The following RPTOR variants were observed in gnomAD, a reference collection of about 807,000 sequenced individuals.
The protein encoded by RPTOR is regulatory associated protein of MTOR complex 1, also known as regulatory-associated protein of mTOR.
Under a neutral mutation model 169.9 loss-of-function variants are expected in RPTOR, and 21 were observed. That is an observed-to-expected ratio of 0.12 (90% confidence interval 0.09 to 0.18). The LOEUF is 0.18. Ranked by LOEUF, RPTOR falls within the 10% of genes least tolerant of loss-of-function variation. The pLI is 1.00. For missense variants in RPTOR, 1,133 were observed against 1,855.9 expected, an observed-to-expected ratio of 0.61 and a Z score of 7.16; for synonymous variants, 732 against 753.2, an observed-to-expected ratio of 0.97 and a Z score of 0.46.
intron 10 of RPTOR, among the ~76,000 whole-genome samples, chr17:80,841,172 CCG>C (rs1567942935): frequency 5.4e-5 from 7 of 129,060 alleles, no homozygotes; most frequent in East Asian, 2.4e-4. Context: ...CTCACTCTCA[CCG>C]CACGGCAGCT....
intron 13 of RPTOR, among the ~76,000 whole-genome samples, chr17:80,867,292 G>A (rs1301203836): frequency 6.6e-6 from 1 of 151,308 alleles, no homozygotes; most frequent in African/African-American, 2.4e-5. Flanking sequence ...AAAAAAAGAT[G>A]AAAACCATAT....
chr17:80,898,646 C>T (rs1197351317), intron 20 of RPTOR, among the ~76,000 whole-genome samples: 2 of 125,726 alleles, frequency 1.6e-5, no homozygotes, highest in African/African-American at 6.1e-5. Context: ...CTCCCCCAAC[C>T]CCTGCCCCCG....
At position 80,544,980 on chromosome 17, in the gene RPTOR, C is replaced by T. The variant is rs11547301; in HGVS notation, c.-650C>T. The T allele has an allele frequency of 0.25, 57,766 of 231,958 alleles. 8,404 individuals carry two copies. Among genetic ancestry groups the T allele is most frequent in the South Asian group, 0.41 (2,268 of 5,518 alleles). The allele number at this position is 231,958 out of a possible 1,614,324, so 14.4% of individuals were successfully genotyped here. ...GTTCCGTGTCGCCCGTTTCTCAGGACTCGTTCTCAGGCAGGAGAGAGCCTC... is the reference window on the plus strand; with the variant it reads ...GTTCCGTGTCGCCCGTTTCTCAGGATTCGTTCTCAGGCAGGAGAGAGCCTC... On this transcript the variant is annotated 5_prime_UTR_variant, in exon 1 of 34. Transcript: ENST00000306801.
At chr17:80,791,409 T>A (rs745893117) in intron 6 of RPTOR, 41 bp from the exon 7 acceptor site, 1 of 1,596,066 alleles carries the variant, frequency 6.3e-7, no homozygotes, top group African/African-American at 1.3e-5. Flanking sequence ...CCTGGGTGAC[T>A]GTTCCATTCA....
chr17:80,836,544 G>GGTC (rs1298813645), intron 9 of RPTOR, among the ~76,000 whole-genome samples: 3 of 152,184 alleles, frequency 2.0e-5, no homozygotes, highest in Non-Finnish European at 4.4e-5. Context: ...ACAAAGCAGG[G>GGTC]GTCGGTCAGA....
chr17:80,896,563 C>G (rs2068407836), intron 20 of RPTOR, among the ~76,000 whole-genome samples: 1 of 16,066 alleles, frequency 6.2e-5, no homozygotes, highest in Non-Finnish European at 2.0e-4. Flanking sequence ...ACACCCCACA[C>G]AGCCGCGCCG....
chr17:80,666,023 C>G (rs1755121528), intron 3 of RPTOR, among the ~76,000 whole-genome samples: 1 of 152,170 alleles, frequency 6.6e-6, no homozygotes, highest in Admixed American at 6.5e-5. Context: ...CATGCCTTGA[C>G]TGGGACTTGT....
chr17:80,585,727 T>A (rs2065055394), intron 1 of RPTOR, among the ~76,000 whole-genome samples: 1 of 152,228 alleles, frequency 6.6e-6, no homozygotes, highest in Non-Finnish European at 1.5e-5. Flanking sequence ...GCCACTTATA[T>A]ATAGATTAGA....
intron 7 of RPTOR, among the ~76,000 whole-genome samples, chr17:80,797,376 G>C (rs1598310375): frequency 6.6e-6 from 1 of 152,220 alleles, no homozygotes; most frequent in African/African-American, 2.4e-5. Context: ...TTAAACTCCT[G>C]ACCTCAGATG....
In RPTOR at chr17:80,816,725, G is replaced by A. The variant is rs116907147; in HGVS notation, c.891-5476G>A. Among the ~76,000 whole-genome samples, 45 of 152,324 alleles carry A rather than the reference G, an allele frequency of 3.0e-4. 1 individual carries two copies. In the East Asian group the frequency reaches 7.7e-3, roughly 26 times the overall value. On this transcript the variant is annotated intron_variant, in intron 7 of 33. Transcript: ENST00000306801. ...GCTTGGGAGGAGGTGGCTTGGAAGG[G>A]CGGTGAGGACAGAAACCAGCTTTCG...
rs2066281552 is a variant in RPTOR, at chr17:80,721,043, A to G, written c.508-9517A>G. Among the ~76,000 whole-genome samples, 1 of 150,906 alleles carries G rather than the reference A, an allele frequency of 6.6e-6. No individual in the cohort carries two copies. Among genetic ancestry groups the G allele is most frequent in the Non-Finnish European group, 1.5e-5 (1 of 68,004 alleles). ...TCTAGGGCAGAAACAGTCCCGGGTA[A>G]ACACCAAGGCCTCGTGGGAGGCACC... On this transcript the variant is annotated intron_variant, in intron 4 of 33. Coordinates refer to ENST00000306801, the MANE Select transcript of RPTOR (RefSeq NM_020761.3). This position sits in a 1 kb window ranked among gnomAD's most constrained non-coding sequence, Gnocchi z 4.7.
At chr17:80,662,418 T>G (rs1252189257) in intron 3 of RPTOR, among the ~76,000 whole-genome samples, 1 of 152,042 alleles carries the variant, frequency 6.6e-6, no homozygotes, top group Non-Finnish European at 1.5e-5. Context: ...CTCTGAGAAC[T>G]CAGAGACTAG....
intron 6 of RPTOR, among the ~76,000 whole-genome samples, chr17:80,782,552 C>T (rs1261431490): frequency 1.3e-5 from 2 of 152,170 alleles, no homozygotes; most frequent in East Asian, 3.9e-4. Context: ...CCATCAGGCA[C>T]TGTTTTCCCT....
At chr17:80,698,558 T>G (rs570790312) in intron 3 of RPTOR, among the ~76,000 whole-genome samples, 2 of 152,334 alleles carry the variant, frequency 1.3e-5, no homozygotes, top group East Asian at 3.9e-4. Context: ...TGGGGGCACC[T>G]TCCATCCTAG....
chr17:80,777,881 G>A (rs541646059), intron 6 of RPTOR, among the ~76,000 whole-genome samples: 1 of 152,294 alleles, frequency 6.6e-6, no homozygotes, highest in African/African-American at 2.4e-5. Context: ...TATTGCTGGA[G>A]TGACTTTGGA....
In RPTOR at chr17:80,845,195, G is replaced by A. The variant is rs1365937022; in HGVS notation, c.1213-1278G>A. On this transcript the variant is annotated intron_variant, in intron 10 of 33. Coordinates refer to ENST00000306801, the MANE Select transcript of RPTOR (RefSeq NM_020761.3). This position sits in a 1 kb window ranked among gnomAD's most constrained non-coding sequence, Gnocchi z 5.4. ...CCCACCTGCTCCATGGCACCCAGGC[G>A]AATCCCCCTCCACTCTGTGCCTGCA... Among the ~76,000 whole-genome samples the A allele has an allele frequency of 6.6e-6, 1 of 151,960 alleles. No homozygotes were observed. The highest frequency in any genetic ancestry group is 2.4e-5 in the African/African-American group (1 of 41,392).
rs2068800212 is a variant in RPTOR at position 80,925,420 on chromosome 17, CACGGTGCAG to C, written c.2864_2872del (p.Val955_Thr957del). On this transcript the variant is annotated inframe_deletion, in exon 24 of 34. Transcript: ENST00000306801. ...CTGGACACAAAAGTTTCATCTCCGCCACGGTGCAGACGGGGTTCTGCGACTGGAGCGCCC... is the reference window on the plus strand; with the variant it reads ...CTGGACACAAAAGTTTCATCTCCGCCACGGGGTTCTGCGACTGGAGCGCCC... The C allele has an allele frequency of 6.2e-7, 1 of 1,613,624 alleles. No individual in the cohort carries two copies. Among genetic ancestry groups the C allele is most frequent in the African/African-American group, 1.3e-5 (1 of 74,938 alleles).
chr17:80,841,151 CCG>C (rs1439905099), intron 10 of RPTOR, among the ~76,000 whole-genome samples: 11 of 129,818 alleles, frequency 8.5e-5, no homozygotes, highest in Admixed American at 2.1e-4. Context: ...CTCACTCTCA[CCG>C]CACGGCAGCT....
intron 20 of RPTOR, among the ~76,000 whole-genome samples, chr17:80,899,423 T>C (rs2068447771): frequency 6.6e-6 from 1 of 152,274 alleles, no homozygotes. Context: ...TTTTTTTAAG[T>C]ACTAGAAAAT....
Sources: gnomAD v4.1 joint callset for allele counts (sites outside exome capture counted in the v4.1 genomes callset) on GRCh38, gnomAD v4.1.1 for gene constraint, Gnocchi (gnomAD v3.1) non-coding constraint, MANE v1.5 for transcripts, NCBI Gene and HGNC (gene_info 2026-07-23, HGNC 2026-07-21) for gene names.